The following ARHGEF26 variants were observed in gnomAD, a reference collection of about 807,000 sequenced individuals.
ARHGEF26 encodes Rho guanine nucleotide exchange factor 26, also known as Rho guanine nucleotide exchange factor (GEF) 26.
Under a neutral mutation model 89.4 loss-of-function variants are expected in ARHGEF26, and 59 were observed. The ratio of observed to expected loss-of-function variants is 0.66; its 90% CI spans 0.54 to 0.82. The LOEUF (loss-of-function observed/expected upper bound fraction) is 0.82. ARHGEF26 is among the 40% of genes least tolerant of loss of function. ARHGEF26 has a pLI of 0.00. For missense variants in ARHGEF26, 1,234 were observed against 1,085.6 expected (o/e 1.14, Z -1.92); for synonymous variants, 500 against 428.4 (o/e 1.17, Z -2.06).
chr3:154,124,022 T>G (rs1164685712), intron 2 of ARHGEF26, among the ~76,000 whole-genome samples: 1 of 152,252 alleles, frequency 6.6e-6, no homozygotes, highest in Non-Finnish European at 1.5e-5. Flanking sequence ...TGTTTTATTT[T>G]AGAGCCCGTG....
chr3:154,161,917 A>G (rs1176720115), intron 6 of ARHGEF26, among the ~76,000 whole-genome samples: 1 of 152,180 alleles, frequency 6.6e-6, no homozygotes, highest in Non-Finnish European at 1.5e-5. Context: ...TCTCCTGGTC[A>G]CTTTTTGCAG....
chr3:154,250,171 A>AG (rs1160195332), intron 12 of ARHGEF26, among the ~76,000 whole-genome samples: 1 of 152,150 alleles, frequency 6.6e-6, no homozygotes, highest in East Asian at 1.9e-4. Context: ...CTGGGATTAC[A>AG]GGCGTGCACC....
At chr3:154,130,790 C>T (rs1232586173) in intron 4 of ARHGEF26, among the ~76,000 whole-genome samples, 1 of 152,096 alleles carries the variant, frequency 6.6e-6, no homozygotes, top group Non-Finnish European at 1.5e-5. Flanking sequence ...CTCCATGAGT[C>T]CTTAGGCAAT....
rs142836676 is a variant in ARHGEF26, at chr3:154,177,914, C to G, written c.1488-9771C>G. 2.9e-4 allele frequency among the ~76,000 whole-genome samples: 44 copies of G among 152,242 alleles called. 1 individual carries two copies. The highest frequency in any genetic ancestry group is 1.1e-3 in the African/African-American group (44 of 41,532). On this transcript the variant is annotated intron_variant, in intron 6 of 14. Transcript: ENST00000465093. ...CTAGCTGCTGCACTTATTAAAAGGG[C>G]TTTATTGGCCAGGTACAGTGGCTCA...
chr3:154,216,016 T>C (rs991666704), intron 9 of ARHGEF26, among the ~76,000 whole-genome samples: 1 of 152,148 alleles, frequency 6.6e-6, no homozygotes, highest in Admixed American at 6.5e-5. Context: ...ATATATAACA[T>C]AGGAAAAAAA....
intron 3 of ARHGEF26, among the ~76,000 whole-genome samples, chr3:154,127,598 CTA>C (rs1171544286): frequency 1.4e-4 from 9 of 63,958 alleles, no homozygotes; most frequent in Non-Finnish European, 2.3e-4. Flanking sequence ...TCACAGTTAA[CTA>C]TTTTTTTTTT....
chr3:154,229,730 C>T (rs1353769550), intron 11 of ARHGEF26, among the ~76,000 whole-genome samples: 1 of 152,112 alleles, frequency 6.6e-6, no homozygotes, highest in Non-Finnish European at 1.5e-5. Flanking sequence ...ACGTTTTTGC[C>T]TAATGTCCCC....
At chr3:154,224,682 C>T (rs1716364074) in intron 10 of ARHGEF26, among the ~76,000 whole-genome samples, 1 of 152,116 alleles carries the variant, frequency 6.6e-6, no homozygotes. Context: ...GGGTAATTGT[C>T]TGATTTCGAG....
intron 9 of ARHGEF26, among the ~76,000 whole-genome samples, chr3:154,210,237 C>T (rs989614898): frequency 6.6e-6 from 1 of 152,074 alleles, no homozygotes; most frequent in Non-Finnish European, 1.5e-5. Context: ...TGGTGTTCTA[C>T]CTTCCTGTGA....
Position 154,122,979 on chromosome 3 carries a change from T to C in ARHGEF26, c.987T>C (p.Ser329=), listed in dbSNP as rs1317964761. Residue 329 remains serine, a synonymous_variant, in exon 2 of 15, where the codon AGT becomes AGC. Coordinates refer to ENST00000465093, the MANE Select transcript of ARHGEF26 (RefSeq NM_015595.4). ...RAVVSGFDFD[S]PTSSKKKNRM... Reference sequence around the variant, plus strand: ...TGGTCAGTGGCTTTGATTTTGACAGTCCTACCAGCTCGAAGAAGAAGAACA... The same window carrying C: ...TGGTCAGTGGCTTTGATTTTGACAGCCCTACCAGCTCGAAGAAGAAGAACA... 2 of 1,613,776 alleles carry C rather than the reference T, an allele frequency of 1.2e-6. No homozygotes were observed. Among genetic ancestry groups the C allele is most frequent in the Admixed American group, 3.3e-5 (2 of 59,996 alleles).
At chr3:154,241,459 A>T (rs1469320963) in intron 12 of ARHGEF26, among the ~76,000 whole-genome samples, 2 of 152,354 alleles carry the variant, frequency 1.3e-5, no homozygotes, top group Middle Eastern at 3.4e-3. Flanking sequence ...GATCTTAGAG[A>T]AAGTGATCCC....
chr3:154,159,743 A>G (rs1218184776), intron 6 of ARHGEF26, among the ~76,000 whole-genome samples: 1 of 152,106 alleles, frequency 6.6e-6, no homozygotes, highest in Non-Finnish European at 1.5e-5. Context: ...AAAATTCTAA[A>G]CTTTAATGCA....
intron 6 of ARHGEF26, among the ~76,000 whole-genome samples, chr3:154,186,134 T>TACACACAC (rs1446154271): frequency 3.3e-4 from 9 of 26,884 alleles, no homozygotes; most frequent in East Asian, 2.1e-3. Context: ...TACACACACT[T>TACACACAC]AGACACACAC....
At position 154,129,722 on chromosome 3, in the gene ARHGEF26, G is replaced by C. The variant is rs766220298; in HGVS notation, c.1269+3G>C. 2.7e-5 allele frequency: 44 copies of C among 1,608,776 alleles called. No homozygotes were observed. The South Asian group carries it at 4.7e-4, about 17-fold the overall frequency. On this transcript the variant is annotated splice_donor_region_variant and intron_variant, in intron 4 of 14. Transcript: ENST00000465093. ...CCACATGGAGCCAACTCTCTGCGGT[G>C]AGTGTTTATCTTCTTTTCTATCTGT... is the stretch of plus-strand genomic sequence containing the variant.
chr3:154,198,131 A>G (rs541054641), intron 9 of ARHGEF26, among the ~76,000 whole-genome samples: 1 of 152,278 alleles, frequency 6.6e-6, no homozygotes, highest in Non-Finnish European at 1.5e-5. Flanking sequence ...AACGTGAAAA[A>G]ATGCTCAGCA....
At chr3:154,131,554 T>C (rs747446257) in intron 4 of ARHGEF26, among the ~76,000 whole-genome samples, 2 of 152,238 alleles carry the variant, frequency 1.3e-5, no homozygotes, top group African/African-American at 4.8e-5. Flanking sequence ...ACAAGGTCCA[T>C]TGAGGCCATG....
chr3:154,128,992 T>C (rs983274822), intron 3 of ARHGEF26, among the ~76,000 whole-genome samples: 53 of 152,228 alleles, frequency 3.5e-4, no homozygotes, highest in Admixed American at 3.3e-4. Flanking sequence ...GTGTCTATTA[T>C]TGTATTTCAC....
At chr3:154,213,241 G>GTGTGTGTATATATA (rs1553747909) in intron 9 of ARHGEF26, among the ~76,000 whole-genome samples, 9 of 145,560 alleles carry the variant, frequency 6.2e-5, no homozygotes, top group Non-Finnish European at 1.2e-4. Context: ...GTGTGTGTGT[G>GTGTGTGTATATATA]TATATATATA....
intron 12 of ARHGEF26, among the ~76,000 whole-genome samples, chr3:154,249,003 G>A (rs939985892): frequency 2.6e-5 from 4 of 152,130 alleles, no homozygotes; most frequent in Admixed American, 2.0e-4. Context: ...ACAAAGGTTC[G>A]AAGGACTTTA....
Sources: allele counts gnomAD v4.1 joint callset (sites outside exome capture counted in the v4.1 genomes callset), GRCh38; gene constraint gnomAD v4.1.1; transcripts MANE v1.5; gene names NCBI Gene and HGNC (gene_info 2026-07-23, HGNC 2026-07-21).